Variants in ACAP2 observed in about 807,000 individuals in gnomAD.
ACAP2 encodes the protein ArfGAP with coiled-coil, ankyrin repeat and PH domains 2, also known as arf-GAP with coiled-coil, ANK repeat and PH domain-containing protein 2.
In ACAP2, 39 loss-of-function variants were observed where a neutral mutation model predicts 115.8. The observed-to-expected ratio is 0.34, with a 90% CI of 0.26 to 0.44. The LOEUF is 0.44. Ranked by LOEUF, ACAP2 falls within the 20% of genes least tolerant of loss-of-function variation. The probability of loss-of-function intolerance (pLI) is 1.00; values close to 1 mark genes in which losing one functional copy is unlikely to be tolerated. For synonymous variants in ACAP2, 289 were observed against 315.8 expected, an observed-to-expected ratio of 0.92 and a Z score of 0.90; for missense variants, 662 against 927.6, an observed-to-expected ratio of 0.71 and a Z score of 3.72.
intron 4 of ACAP2, among the ~76,000 whole-genome samples, chr3:195,377,615 T>C (rs1435456774): frequency 6.6e-6 from 1 of 152,162 alleles, no homozygotes. Flanking sequence ...GCCACAAATA[T>C]AGGAATTCTA....
intron 1 of ACAP2, among the ~76,000 whole-genome samples, chr3:195,400,661 T>C (rs1712206706): frequency 6.6e-6 from 1 of 152,166 alleles, no homozygotes; most frequent in Non-Finnish European, 1.5e-5. Flanking sequence ...CCAAAGCAGT[T>C]AAAGTTTGTT....
intron 1 of ACAP2, among the ~76,000 whole-genome samples, chr3:195,424,174 G>A (rs538712965): frequency 2.7e-5 from 4 of 146,378 alleles, no homozygotes; most frequent in South Asian, 2.2e-4. Flanking sequence ...CATATATCTC[G>A]GAGTTGTGAA....
chr3:195,312,266 T>C lies in ACAP2; in HGVS notation c.858-3429A>G, dbSNP rs555305833. On this transcript the variant is annotated intron_variant, in intron 10 of 22. Coordinates refer to ENST00000326793, the MANE Select transcript of ACAP2 (RefSeq NM_012287.6). ...AAACAACTGGTAAAAATTAAAAGCC[T>C]GAACATGAATGCTCCTTTACTTCAA... Among the ~76,000 whole-genome samples, 5 of 152,256 alleles carry C rather than the reference T, an allele frequency of 3.3e-5. No individual in the cohort carries two copies. In the East Asian group the frequency reaches 7.7e-4, roughly 23 times the overall value.
At chr3:195,282,022 A>C (rs1726540948) in intron 22 of ACAP2, 1 of 152,344 alleles carries the variant, frequency 6.6e-6, no homozygotes, top group East Asian at 1.9e-4. Context: ...ACATTCAAGA[A>C]GAAATAGGAA....
At chr3:195,292,499 AAAAAG>A in intron 18 of ACAP2, 47 bp from the exon 19 acceptor site, 3 of 1,529,362 alleles carry the variant, frequency 2.0e-6, no homozygotes, top group Non-Finnish European at 2.6e-6. Context: ...CTCTTGGCAG[AAAAAG>A]AAAAAATTAT....
At chr3:195,300,138 CTGGAT>C (rs1727952247) in intron 15 of ACAP2, among the ~76,000 whole-genome samples, 3 of 151,280 alleles carry the variant, frequency 2.0e-5, no homozygotes, top group Admixed American at 2.0e-4. Context: ...CCTCTGCCTC[CTGGAT>C]TCAAGCAATT....
intron 1 of ACAP2, among the ~76,000 whole-genome samples, chr3:195,410,182 C>G (rs1463892582): frequency 6.6e-6 from 1 of 152,070 alleles, no homozygotes; most frequent in Non-Finnish European, 1.5e-5. Context: ...AAAGTCAGTC[C>G]TTTCAACAAA....
At chr3:195,295,432 G>A in intron 17 of ACAP2, 1 of 552,294 alleles carries the variant, frequency 1.8e-6, no homozygotes, top group Non-Finnish European at 3.0e-6. Context: ...GATACTTAGG[G>A]CTTTTGAAAT....
intron 13 of ACAP2, among the ~76,000 whole-genome samples, chr3:195,302,708 A>G (rs1436187093): frequency 6.6e-6 from 1 of 152,228 alleles, no homozygotes; most frequent in Non-Finnish European, 1.5e-5. Context: ...TACAGAGTGA[A>G]TCAAATATAG....
rs1407888412 is a variant in ACAP2 at position 195,278,244 on chromosome 3, C to T, written c.*1084G>A. On this transcript the variant is annotated 3_prime_UTR_variant, in exon 23 of 23. Coordinates refer to ENST00000326793, the MANE Select transcript of ACAP2 (RefSeq NM_012287.6). The stretch of plus-strand genomic sequence containing the variant: ...TAACCGAATACTAAAGCTATATACA[C>T]GATATAATTTAAAAGAATGTACACT... 6.6e-6 allele frequency: 1 copy of T among 151,746 alleles called. No individual in the cohort carries two copies. The highest frequency in any genetic ancestry group is 1.5e-5 in the Non-Finnish European group (1 of 67,970). The allele number at this position is 151,746 out of a possible 1,614,324, so 9.4% of individuals were successfully genotyped here.
At chr3:195,354,595 T>C (rs1168355564) in intron 4 of ACAP2, among the ~76,000 whole-genome samples, 1 of 152,228 alleles carries the variant, frequency 6.6e-6, no homozygotes, top group Non-Finnish European at 1.5e-5. Context: ...GATGAATAGT[T>C]TGCAAATATT....
chr3:195,293,192 C>T (rs1195526794), intron 18 of ACAP2, among the ~76,000 whole-genome samples: 5 of 152,106 alleles, frequency 3.3e-5, no homozygotes, highest in Non-Finnish European at 7.3e-5. Context: ...AATGTTGGGA[C>T]TTAAGAAGCA....
intron 1 of ACAP2, chr3:195,419,294 C>T (rs1017427522): frequency 3.3e-5 from 5 of 152,182 alleles, no homozygotes; most frequent in African/African-American, 1.2e-4. Context: ...CTGGGTAGAT[C>T]GGCCTATATG....
At position 195,279,304 on chromosome 3, in the gene ACAP2, AT is replaced by A. The variant is rs1432724109; in HGVS notation, c.*23del. On this transcript the variant is annotated 3_prime_UTR_variant, in exon 23 of 23. Coordinates refer to ENST00000326793, the MANE Select transcript of ACAP2 (RefSeq NM_012287.6). ...ATACATTAGGGGGTCACCAGATTTC[AT>A]ATTTTCCCATTTTTAAAAAAATTCA... is the stretch of plus-strand genomic sequence containing the variant. The A allele has an allele frequency of 3.3e-6, 5 of 1,524,518 alleles. No homozygotes were observed. The highest frequency in any genetic ancestry group is 3.6e-6 in the Non-Finnish European group (4 of 1,107,730). The allele number at this position is 1,524,518 out of a possible 1,614,324, so 94.4% of individuals were successfully genotyped here. A position where few individuals can be genotyped will look rare whatever the true frequency, so the allele number is the denominator to read the frequency against.
chr3:195,367,571 A>G (rs1732813200), intron 4 of ACAP2, among the ~76,000 whole-genome samples: 1 of 152,104 alleles, frequency 6.6e-6, no homozygotes, highest in Admixed American at 6.5e-5. Flanking sequence ...CACACGGTAG[A>G]GTTGATTTTC....
At chr3:195,387,320 T>C (rs1039601553) in intron 2 of ACAP2, among the ~76,000 whole-genome samples, 2 of 152,196 alleles carry the variant, frequency 1.3e-5, no homozygotes, top group African/African-American at 2.4e-5. Context: ...TACTAAGCAA[T>C]TACTATGTCA....
At chr3:195,388,590 T>C (rs1039997354) in intron 2 of ACAP2, among the ~76,000 whole-genome samples, 8 of 152,232 alleles carry the variant, frequency 5.3e-5, no homozygotes, top group African/African-American at 1.7e-4. Context: ...ATCATTAACC[T>C]AGACTTGGAG....
chr3:195,337,207 G>A (rs1490028101), intron 6 of ACAP2, among the ~76,000 whole-genome samples: 2 of 152,182 alleles, frequency 1.3e-5, no homozygotes, highest in Admixed American at 1.3e-4. Context: ...TTATTTAACC[G>A]ATATTAGAGT....
At chr3:195,426,163 C>A (rs989346828) in intron 1 of ACAP2, among the ~76,000 whole-genome samples, 1 of 152,158 alleles carries the variant, frequency 6.6e-6, no homozygotes, top group Non-Finnish European at 1.5e-5. Context: ...CTGCTCCAAC[C>A]CTATCGGCCT....
Sources: allele counts gnomAD v4.1 joint callset (sites outside exome capture counted in the v4.1 genomes callset), GRCh38; gene constraint gnomAD v4.1.1; transcripts MANE v1.5; gene names NCBI Gene and HGNC (gene_info 2026-07-23, HGNC 2026-07-21).